Variants in TRIM16 observed in about 807,000 individuals in gnomAD.
TRIM16 encodes tripartite motif-containing protein 16.
In TRIM16, 33 loss-of-function variants were observed where a neutral mutation model predicts 50.4. The observed-to-expected ratio is 0.65, with a 90% CI of 0.50 to 0.88. TRIM16 has a LOEUF of 0.88. Ranked by LOEUF, TRIM16 falls within the 40% of genes least tolerant of loss-of-function variation. TRIM16 has a pLI of 0.00. For synonymous variants in TRIM16, 229 were observed against 270.7 expected (o/e 0.85, Z 1.51); for missense variants, 581 against 686.8 (o/e 0.85, Z 1.72).
intron 6 of TRIM16, among the ~76,000 whole-genome samples, chr17:15,660,142 A>G (rs1052140552): frequency 1.4e-4 from 22 of 152,126 alleles, no homozygotes; most frequent in Non-Finnish European, 1.8e-4. Flanking sequence ...CACCTTCCCA[A>G]TATTTACTCA....
chr17:15,673,083 G>A (rs1988788960), intron 6 of TRIM16, among the ~76,000 whole-genome samples: 1 of 152,104 alleles, frequency 6.6e-6, no homozygotes, highest in African/African-American at 2.4e-5. Flanking sequence ...GGACTCTGAA[G>A]GAACAACAAT....
intron 7 of TRIM16, among the ~76,000 whole-genome samples, chr17:15,643,971 T>C (rs1028386160): frequency 6.6e-6 from 1 of 152,060 alleles, no homozygotes; most frequent in Non-Finnish European, 1.5e-5. Context: ...TGTGGGTTTT[T>C]TTCCACATGA....
chr17:15,634,401 G>A (rs148897749), intron 9 of TRIM16, among the ~76,000 whole-genome samples: 2,881 of 147,742 alleles, frequency 0.02, 260 homozygotes, highest in African/African-American at 0.068. Context: ...AGGCCGAGGC[G>A]GGCAGATCAC....
chr17:15,683,345 A>C (rs1989258735), intron 1 of TRIM16, 188 bp from the exon 2 acceptor site: 1 of 514,428 alleles, frequency 1.9e-6, no homozygotes, highest in African/African-American at 1.9e-5. Context: ...GTACCTTTAT[A>C]CCACTAGGGC....
intron 6 of TRIM16, among the ~76,000 whole-genome samples, chr17:15,653,798 GAAGA>G (rs1474793735): frequency 2.0e-5 from 3 of 152,214 alleles, no homozygotes; most frequent in Non-Finnish European, 4.4e-5. Flanking sequence ...TAGCTCCTTA[GAAGA>G]AAGAGGCTGC....
At chr17:15,634,345 A>AT (rs1986606611) in intron 9 of TRIM16, among the ~76,000 whole-genome samples, 1 of 139,770 alleles carries the variant, frequency 7.2e-6, no homozygotes, top group Admixed American at 7.1e-5. Flanking sequence ...AACAAAAAAA[A>AT]TTGGCCGGGC....
At chr17:15,660,125 C>T (rs1567683080) in intron 6 of TRIM16, among the ~76,000 whole-genome samples, 1 of 152,212 alleles carries the variant, frequency 6.6e-6, no homozygotes, top group East Asian at 1.9e-4. Context: ...CCATCCCCTC[C>T]ACCCTTCACC....
At chr17:15,652,110 A>G (rs910441231) in intron 6 of TRIM16, 164 bp from the exon 7 acceptor site, 4 of 287,340 alleles carry the variant, frequency 1.4e-5, no homozygotes, top group Non-Finnish European at 2.1e-5. Flanking sequence ...AGAACTGGAC[A>G]TGAGGCAGCT....
chr17:15,665,287 C>T (rs1322055433), intron 6 of TRIM16, among the ~76,000 whole-genome samples: 3 of 152,038 alleles, frequency 2.0e-5, no homozygotes, highest in Non-Finnish European at 4.4e-5. Flanking sequence ...CTGCGGCGGG[C>T]AGATCACGAG....
rs765627976 is a variant in TRIM16, at chr17:15,628,739, C to T, written c.1571G>A (p.Cys524Tyr). The change falls in exon 12 of 12, where the codon TGC becomes TAC. Residue 524 changes from cysteine (C) to tyrosine (Y), a missense_variant. Cys to Tyr is a radical substitution (Grantham distance 194). Coordinates refer to ENST00000649191, the MANE Select transcript of TRIM16 (RefSeq NM_001348119.1). ...AGCATAGACTGGTTCTGAAAATTTG[C>T]AGGCAAACTTGTGAACCAGAGTCAT... is the stretch of plus-strand genomic sequence containing the variant. ...DTMTLVHKFA[C>Y]KFSEPVYAAF... 1 of 1,614,142 alleles carries T rather than the reference C, an allele frequency of 6.2e-7. No individual in the cohort carries two copies. Among genetic ancestry groups the T allele is most frequent in the Non-Finnish European group, 8.5e-7 (1 of 1,180,036 alleles).
intron 1 of TRIM16, 61 bp from the exon 2 acceptor site, chr17:15,683,218 C>G (rs1989253516): frequency 7.9e-7 from 1 of 1,265,620 alleles, no homozygotes; most frequent in South Asian, 1.4e-5. Flanking sequence ...TTTTTTCATT[C>G]TCTGAGACTC....
intron 8 of TRIM16, among the ~76,000 whole-genome samples, chr17:15,639,106 G>A (rs796260183): frequency 5.9e-3 from 729 of 123,892 alleles, no homozygotes; most frequent in African/African-American, 0.024. Context: ...GGTTGGAGTG[G>A]CACAGTCTTG....
intron 8 of TRIM16, among the ~76,000 whole-genome samples, chr17:15,640,405 C>T (rs1403274516): frequency 6.7e-6 from 1 of 149,036 alleles, no homozygotes; most frequent in African/African-American, 2.5e-5. Flanking sequence ...AGATGAGAGA[C>T]AGGGCTTAGC....
chr17:15,631,765 A>T, intron 10 of TRIM16, 51 bp from the exon 11 acceptor site: 1 of 1,576,582 alleles, frequency 6.3e-7, no homozygotes, highest in Non-Finnish European at 8.7e-7. Context: ...TGGTCAGGAG[A>T]ATCTGCAAAT....
chr17:15,632,423 C>T, intron 10 of TRIM16, 86 bp downstream of exon 10: 1 of 1,438,558 alleles, frequency 7.0e-7, no homozygotes, highest in Non-Finnish European at 9.3e-7. Flanking sequence ...TGATTTCATC[C>T]TCCCTTCCCT....
chr17:15,630,835 A>ATATATATATGTCTACATG (rs1986380251), intron 11 of TRIM16, among the ~76,000 whole-genome samples: 1 of 150,110 alleles, frequency 6.7e-6, no homozygotes, highest in Non-Finnish European at 1.5e-5. Flanking sequence ...ACATACATAC[A>ATATATATATGTCTACATG]TATATATATG....
At chr17:15,637,186 C>T (rs1320264295) in intron 8 of TRIM16, among the ~76,000 whole-genome samples, 2 of 144,482 alleles carry the variant, frequency 1.4e-5, no homozygotes, top group Non-Finnish European at 3.0e-5. Flanking sequence ...GTCAGCCCCC[C>T]GCCTGGCCAG....
chr17:15,645,412 C>T (rs1018818401), intron 7 of TRIM16, among the ~76,000 whole-genome samples: 28 of 152,202 alleles, frequency 1.8e-4, no homozygotes, highest in South Asian at 1.0e-3. Flanking sequence ...GCCCAAAAAC[C>T]TCAGGTTTGC....
chr17:15,673,358 A>G (rs2151422561), intron 6 of TRIM16, among the ~76,000 whole-genome samples: 1 of 152,340 alleles, frequency 6.6e-6, no homozygotes, highest in South Asian at 2.1e-4. Flanking sequence ...CTCTAACTTC[A>G]GTTGTGCCTT....
Sources: allele counts gnomAD v4.1 joint callset (sites outside exome capture counted in the v4.1 genomes callset), GRCh38; gene constraint gnomAD v4.1.1; transcripts MANE v1.5; gene names NCBI Gene and HGNC (gene_info 2026-07-23, HGNC 2026-07-21).